IFIH1: variants seen among roughly 807,000 people sequenced by gnomAD.
IFIH1 encodes interferon induced with helicase C domain 1.
In IFIH1, 125 loss-of-function variants were observed where a neutral mutation model predicts 107.4. The observed-to-expected ratio is 1.16, with a 90% CI of 1.01 to 1.35. The LOEUF (loss-of-function observed/expected upper bound fraction) is 1.35, where lower values mean the gene tolerates loss of function less well. IFIH1 is among the 40% of genes most tolerant of loss of function. The pLI is 0.00. For missense variants in IFIH1, 1,333 were observed against 1,213.7 expected, an observed-to-expected ratio of 1.10 and a Z score of -1.46; for synonymous variants, 458 against 413.2, an observed-to-expected ratio of 1.11 and a Z score of -1.31.
chr2:162,277,630 G>T lies in IFIH1; in HGVS notation c.1829C>A (p.Ala610Asp). 1 of 1,612,692 alleles carries T rather than the reference G, an allele frequency of 6.2e-7. No homozygotes were observed. The highest frequency in any genetic ancestry group is 8.5e-7 in the Non-Finnish European group (1 of 1,179,022). Residue 610 changes from alanine to aspartate, a missense_variant, in exon 10 of 16, where the codon GCC becomes GAC. By Grantham distance (126) the Ala-to-Asp change is moderately radical. Coordinates refer to ENST00000649979, the MANE Select transcript of IFIH1 (RefSeq NM_022168.4). ...TCGAATTGTGTCATTAATTTGTAGGGCCTCATTGTACTTCCTCAAATGTTC... is the reference window on the plus strand; with the variant it reads ...TCGAATTGTGTCATTAATTTGTAGGTCCTCATTGTACTTCCTCAAATGTTC... ...CAEHLRKYNE[A>D]LQINDTIRMI...
rs537930894 is a variant in IFIH1, at chr2:162,284,947, C to T, written c.1096-2371G>A. Among the ~76,000 whole-genome samples the T allele has an allele frequency of 2.6e-5, 4 of 151,992 alleles. No individual in the cohort carries two copies. The East Asian group carries it at 5.8e-4, about 22-fold the overall frequency. ...TCAAAAATCTTCAAAAGAAGCCGCACCTTCTGATGTACAGAACAAAAAGAA... is the reference window on the plus strand; with the variant it reads ...TCAAAAATCTTCAAAAGAAGCCGCATCTTCTGATGTACAGAACAAAAAGAA... On this transcript the variant is annotated intron_variant, in intron 5 of 15. Transcript: ENST00000649979.
chr2:162,267,108 C>T lies in IFIH1; in HGVS notation c.*92G>A, dbSNP rs530560094. ...GAGTAAAACAATCATTTTATTGATT[C>T]TTATGTCAGTTCTGTAGCATAATGA... On this transcript the variant is annotated 3_prime_UTR_variant, in exon 16 of 16. Coordinates refer to ENST00000649979, the MANE Select transcript of IFIH1 (RefSeq NM_022168.4). 113 of 942,176 alleles carry T rather than the reference C, an allele frequency of 1.2e-4. 1 individual carries two copies. The South Asian group carries it at 1.9e-3, about 16-fold the overall frequency. The allele number at this position is 942,176 out of a possible 1,614,324, so 58.4% of individuals were successfully genotyped here. A position where few individuals can be genotyped will look rare whatever the true frequency, so the allele number is the denominator to read the frequency against.
intron 11 of IFIH1, 67 bp downstream of exon 11, chr2:162,276,620 A>G: frequency 6.6e-7 from 1 of 1,508,832 alleles, no homozygotes; most frequent in South Asian, 1.3e-5. Flanking sequence ...AAAGAAGAAG[A>G]GAAGAAGAGA....
intron 2 of IFIH1, chr2:162,310,439 C>T (rs1683367958): frequency 7.3e-6 from 3 of 409,860 alleles, no homozygotes; most frequent in South Asian, 6.2e-5. Flanking sequence ...TTTTTATAAC[C>T]ACTAAAATAC....
chr2:162,305,310 C>T (rs1220074275), intron 3 of IFIH1, among the ~76,000 whole-genome samples: 1 of 152,190 alleles, frequency 6.6e-6, no homozygotes, highest in Admixed American at 6.5e-5. Flanking sequence ...TGGCTCATGC[C>T]TGTAATCCCA....
At chr2:162,292,437 A>G (rs772072710) in intron 4 of IFIH1, among the ~76,000 whole-genome samples, 29 of 151,924 alleles carry the variant, frequency 1.9e-4, no homozygotes, top group African/African-American at 2.2e-4. Context: ...CCTCAAACTA[A>G]TTTGTTCTAA....
At chr2:162,283,766 G>C (rs1002114092) in intron 5 of IFIH1, among the ~76,000 whole-genome samples, 2 of 151,934 alleles carry the variant, frequency 1.3e-5, no homozygotes, top group African/African-American at 4.8e-5. Context: ...AAGAACACTG[G>C]TTTACTTTAT....
intron 9 of IFIH1, 104 bp from the exon 10 acceptor site, chr2:162,277,797 C>T (rs1682728698): frequency 7.2e-7 from 1 of 1,384,744 alleles, no homozygotes; most frequent in Non-Finnish European, 9.6e-7. Flanking sequence ...CTGGCTTCAC[C>T]TTGGTTTTAA....
chr2:162,277,690 G>A lies in IFIH1; in HGVS notation c.1769C>T (p.Ala590Val), dbSNP rs768993250. Reference sequence around the variant, plus strand: ...ACGTTCTTTGCGATTTCCTTCTTTTGCAGCTGTGAAAAAATATATTATGTA... The same window carrying A: ...ACGTTCTTTGCGATTTCCTTCTTTTACAGCTGTGAAAAAATATATTATGTA... ...QWAIQMEKKA[A>V]KEGNRKERVC... is the part of the protein sequence containing the mutation. Residue 590 changes from alanine to valine, a missense_variant, in exon 10 of 16, where the codon GCA (alanine) becomes GTA (valine). By Grantham distance (64) the Ala-to-Val change is moderately conservative (BLOSUM62 0). Transcript: ENST00000649979. The A allele has an allele frequency of 2.5e-6, 4 of 1,598,912 alleles. No homozygotes were observed. Among genetic ancestry groups the A allele is most frequent in the African/African-American group, 1.4e-5 (1 of 73,952 alleles).
chr2:162,312,524 C>T (rs1413045032), intron 1 of IFIH1, among the ~76,000 whole-genome samples: 1 of 152,154 alleles, frequency 6.6e-6, no homozygotes, highest in Non-Finnish European at 1.5e-5. Flanking sequence ...CCTTCTTGAA[C>T]TATAATTATA....
chr2:162,306,765 C>T lies in IFIH1; in HGVS notation c.713G>A (p.Trp238Ter), dbSNP rs1346345254. 1 of 1,613,928 alleles carries T rather than the reference C, an allele frequency of 6.2e-7. No homozygotes were observed. The highest frequency in any genetic ancestry group is 1.3e-5 in the African/African-American group (1 of 75,040). ...TTCTGATGAGTTATTCTCCATGCCC[C>T]AGACCTCCTTCTCCAGATTTGGCTG... Reference protein sequence around the residue: ...TVQPNLEKEVWGMENNSSESS... With the variant: ...TVQPNLEKEV Residue 238 changes from tryptophan (W) to a stop codon, truncating the protein, a stop_gained, in exon 3 of 16, where the codon TGG (tryptophan) becomes TAG (stop). Transcript: ENST00000649979. LOFTEE classifies it high-confidence loss of function.
intron 10 of IFIH1, 81 bp downstream of exon 10, chr2:162,277,334 T>C: frequency 3.0e-6 from 3 of 993,594 alleles, no homozygotes; most frequent in African/African-American, 1.6e-5. Flanking sequence ...TATTTCTCTT[T>C]TTGGAGAGCT....
chr2:162,272,278 T>C lies in IFIH1; in HGVS notation c.2564A>G (p.Tyr855Cys). 6.2e-7 allele frequency: 1 copy of C among 1,612,938 alleles called. No individual in the cohort carries two copies. The highest frequency in any genetic ancestry group is 1.7e-5 in the Admixed American group (1 of 59,868). ...ATTTTGAACACAATGTATAGCTTTA[T>C]ACATCATCTTCTCTCGGAAATCATT... ...TVNDFREKMM[Y>C]KAIHCVQNMK... The change falls in exon 13 of 16, where the codon TAT becomes TGT. Residue 855 changes from tyrosine (Y) to cysteine (C), a missense_variant. Physicochemically the swap from Tyr to Cys is radical, Grantham distance 194. Coordinates refer to ENST00000649979, the MANE Select transcript of IFIH1 (RefSeq NM_022168.4).
intron 7 of IFIH1, among the ~76,000 whole-genome samples, chr2:162,280,467 T>C (rs1271689406): frequency 1.1e-4 from 17 of 152,014 alleles, no homozygotes; most frequent in African/African-American, 3.9e-4. Flanking sequence ...TTTACCATCA[T>C]TGACAGAGAA....
At position 162,267,122 on chromosome 2, in the gene IFIH1, G is replaced by A; in HGVS notation, c.*78C>T. ...TTTTATTGATTCTTATGTCAGTTCT[G>A]TAGCATAATGAATACATTAATCATA... On this transcript the variant is annotated 3_prime_UTR_variant, in exon 16 of 16. Coordinates refer to ENST00000649979, the MANE Select transcript of IFIH1 (RefSeq NM_022168.4). The A allele has an allele frequency of 9.4e-7, 1 of 1,060,188 alleles. No individual in the cohort carries two copies. Among genetic ancestry groups the A allele is most frequent in the Non-Finnish European group, 1.4e-6 (1 of 728,336 alleles). The allele number at this position is 1,060,188 out of a possible 1,614,324, so 65.7% of individuals were successfully genotyped here. A position where few individuals can be genotyped will look rare whatever the true frequency, so the allele number is the denominator to read the frequency against.
intron 3 of IFIH1, among the ~76,000 whole-genome samples, chr2:162,297,298 A>G (rs759194959): frequency 6.6e-6 from 1 of 152,098 alleles, no homozygotes; most frequent in Non-Finnish European, 1.5e-5. Flanking sequence ...TTTTCAAACT[A>G]TGTCAGTCTG....
chr2:162,306,942 A>G, intron 2 of IFIH1, 87 bp from the exon 3 acceptor site: 1 of 1,171,052 alleles, frequency 8.5e-7, no homozygotes, highest in Non-Finnish European at 1.2e-6. Flanking sequence ...TTTTGAAAAC[A>G]AACTAGAGGT....
chr2:162,297,410 T>C (rs916930097), intron 3 of IFIH1, among the ~76,000 whole-genome samples: 12 of 152,124 alleles, frequency 7.9e-5, no homozygotes, highest in Admixed American at 5.9e-4. Context: ...ATTTGTGCTT[T>C]GGAGTCCAAC....
chr2:162,301,807 G>A (rs1231778094), intron 3 of IFIH1, among the ~76,000 whole-genome samples: 3 of 152,134 alleles, frequency 2.0e-5, no homozygotes, highest in African/African-American at 7.2e-5. Context: ...AAACACCAAA[G>A]TTTTGCAGTT....
Sources: gnomAD v4.1 joint callset for allele counts (sites outside exome capture counted in the v4.1 genomes callset) on GRCh38, gnomAD v4.1.1 for gene constraint, MANE v1.5 for transcripts, NCBI Gene and HGNC (gene_info 2026-07-23, HGNC 2026-07-21) for gene names.